Variants in ANK3 observed in about 807,000 individuals in gnomAD.
ANK3 encodes ankyrin-3.
In ANK3, 57 loss-of-function variants were observed where a neutral mutation model predicts 370.9. The ratio of observed to expected loss-of-function variants is 0.15; its 90% CI spans 0.12 to 0.19. The LOEUF (loss-of-function observed/expected upper bound fraction) is 0.19, where lower values mean the gene tolerates loss of function less well. Ranked by LOEUF, ANK3 falls within the 10% of genes least tolerant of loss-of-function variation. ANK3 has a pLI of 1.00. For synonymous variants in ANK3, 1,929 were observed against 1,946.3 expected, an observed-to-expected ratio of 0.99 and a Z score of 0.23; for missense variants, 4,439 against 5,302.1, an observed-to-expected ratio of 0.84 and a Z score of 5.06.
intron 25 of ANK3, among the ~76,000 whole-genome samples, chr10:60,133,370 C>T (rs1387141449): frequency 6.6e-6 from 1 of 152,226 alleles, no homozygotes; most frequent in African/African-American, 2.4e-5. Flanking sequence ...CCTGAGCCCA[C>T]ATGCAGGAAG....
intron 23 of ANK3, among the ~76,000 whole-genome samples, chr10:60,158,706 C>T (rs2095420420): frequency 2.2e-5 from 1 of 44,818 alleles, no homozygotes; most frequent in Admixed American, 2.5e-4. Flanking sequence ...GACAGAATCT[C>T]ATTCTGTCAC....
At chr10:60,043,888 A>T (rs1241890211) in intron 42 of ANK3, 1 of 837,352 alleles carries the variant, frequency 1.2e-6, no homozygotes, top group Non-Finnish European at 1.4e-6. Context: ...AAAAAAAAAA[A>T]GTATGTAACA....
Position 60,083,624 on chromosome 10 carries a change from G to C in ANK3, c.4075-7C>G, listed in dbSNP as rs780439933. 1 of 1,576,626 alleles carries C rather than the reference G, an allele frequency of 6.3e-7. No homozygotes were observed. The highest frequency in any genetic ancestry group is 1.2e-5 in the South Asian group (1 of 84,888). ...TAGGTTTTCCTTCCAGAACCTTTTA[G>C]AGTAAAAGAAATAAACAATTTAATG... On this transcript the variant is annotated splice_region_variant and splice_polypyrimidine_tract_variant and intron_variant, in intron 32 of 43. Transcript: ENST00000280772.
In ANK3 at chr10:60,139,051, A is replaced by G. The variant is rs112139545; in HGVS notation, c.2651T>C (p.Leu884Pro). The G allele has an allele frequency of 6.2e-7, 1 of 1,613,738 alleles. No homozygotes were observed. Among genetic ancestry groups the G allele is most frequent in the Non-Finnish European group, 8.5e-7 (1 of 1,179,768 alleles). The change falls in exon 24 of 44, where the codon CTT becomes CCT. Residue 884 changes from leucine (L) to proline (P), a missense_variant. Leu to Pro is a moderately conservative substitution (Grantham distance 98, BLOSUM62 -3). Transcript: ENST00000280772. ...CAATTCCTTAAGGTCCTGTGGCCCA[A>G]GATATTTGTCTGTGTCCCCGGTCAT... ...DAMTGDTDKY[L>P]GPQDLKELGD...
chr10:60,127,737 C>T (rs2093839560), intron 25 of ANK3, among the ~76,000 whole-genome samples: 1 of 133,704 alleles, frequency 7.5e-6, no homozygotes. Context: ...CTCGCTCTGT[C>T]TCCCAGGCTG....
intron 1 of ANK3, among the ~76,000 whole-genome samples, chr10:60,640,982 A>G (rs1287056323): frequency 7.1e-6 from 1 of 140,660 alleles, no homozygotes; most frequent in Non-Finnish European, 1.5e-5. Context: ...CTTATATACC[A>G]ATAACAGACA....
Position 60,088,293 on chromosome 10 carries a change from G to C in ANK3, c.3394C>G (p.Gln1132Glu). Residue 1132 changes from glutamine (Q) to glutamate (E), a missense_variant, in exon 29 of 44, where the codon CAG (glutamine) becomes GAG (glutamate). Around this residue, in one of 13 missense-constraint regions of ANK3, gnomAD observed 702 missense variants for 941.5 expected, o/e 0.75. Transcript: ENST00000280772. ...ICRIITKDFP[Q>E]YFAVVSRIKQ... ...ATCCGGGAAACCACTGCAAAATACTGGGGGAAATCTTTCGTGATAATCCTG... is the reference window on the plus strand; with the variant it reads ...ATCCGGGAAACCACTGCAAAATACTCGGGGAAATCTTTCGTGATAATCCTG... 1 of 1,614,118 alleles carries C rather than the reference G, an allele frequency of 6.2e-7. No individual in the cohort carries two copies. Among genetic ancestry groups the C allele is most frequent in the Non-Finnish European group, 8.5e-7 (1 of 1,180,012 alleles).
At chr10:60,688,984 T>G (rs1441145260) in intron 1 of ANK3, among the ~76,000 whole-genome samples, 1 of 151,960 alleles carries the variant, frequency 6.6e-6, no homozygotes, top group Non-Finnish European at 1.5e-5. Context: ...AAAATCAGTA[T>G]TTGAACCTAG....
At chr10:60,376,272 T>C (rs949148701) in intron 1 of ANK3, among the ~76,000 whole-genome samples, 1 of 152,142 alleles carries the variant, frequency 6.6e-6, no homozygotes, top group African/African-American at 2.4e-5. Context: ...ACAATGCAGA[T>C]CGTATTAATA....
chr10:60,390,871 G>A (rs2063049008), upstream of ANK3, among the ~76,000 whole-genome samples: 1 of 152,036 alleles, frequency 6.6e-6, no homozygotes, highest in Admixed American at 6.6e-5. Flanking sequence ...CATAACTTTG[G>A]CGGTCGGTGC....
chr10:60,327,137 G>T (rs757193931), intron 1 of ANK3, among the ~76,000 whole-genome samples: 4 of 152,208 alleles, frequency 2.6e-5, no homozygotes, highest in Non-Finnish European at 5.9e-5. Context: ...AAAAGGAAGA[G>T]CCAGACTGAT....
chr10:60,537,415 A>G (rs1434709648), intron 2 of ANK3, among the ~76,000 whole-genome samples: 2 of 152,010 alleles, frequency 1.3e-5, no homozygotes, highest in Non-Finnish European at 2.9e-5. Context: ...TTTAAAGTGG[A>G]CAGTAGAGAT....
intron 2 of ANK3, among the ~76,000 whole-genome samples, chr10:60,449,058 C>A (rs1016823177): frequency 1.3e-5 from 2 of 152,136 alleles, no homozygotes; most frequent in African/African-American, 4.8e-5. Flanking sequence ...GTGAAATAGT[C>A]TCTGAATGAA....
rs185447316 is a variant in ANK3, at chr10:60,228,666, C to G, written c.897+6022G>C. ...ATAACTTCTTTTATCTTTATCTTTCCTTTGAGGAAGGAGGGTAATTAAAGA... is the reference window on the plus strand; with the variant it reads ...ATAACTTCTTTTATCTTTATCTTTCGTTTGAGGAAGGAGGGTAATTAAAGA... On this transcript the variant is annotated intron_variant, in intron 8 of 43. Transcript: ENST00000280772. 1.6e-4 allele frequency among the ~76,000 whole-genome samples: 25 copies of G among 151,522 alleles called. No individual in the cohort carries two copies. The East Asian group carries it at 4.5e-3, about 27-fold the overall frequency.
At chr10:60,359,199 A>G (rs2058245254) in intron 1 of ANK3, among the ~76,000 whole-genome samples, 1 of 152,062 alleles carries the variant, frequency 6.6e-6, no homozygotes, top group South Asian at 2.1e-4. Context: ...GTCTACATAC[A>G]TGGTAATGAG....
rs771714886 is a variant in ANK3 at position 60,177,593 on chromosome 10, C to CTTTTTTTTTTTTT, written c.2184+3723_2184+3735dup. ...CCCATACCACACATGGTCTTCAAAT[C>CTTTTTTTTTTTTT]TTTTTTTTTTTTTTTTTTGTTTGAG... On this transcript the variant is annotated intron_variant, in intron 18 of 43. Coordinates refer to ENST00000280772, the MANE Select transcript of ANK3 (RefSeq NM_020987.5). 7.4e-3 allele frequency among the ~76,000 whole-genome samples: 791 copies of CTTTTTTTTTTTTT among 106,228 alleles called. 7 individuals are homozygous for CTTTTTTTTTTTTT. The highest frequency in any genetic ancestry group is 0.011 in the East Asian group (34 of 3,126). 69.7% of individuals were successfully genotyped at this position (106,228 alleles called of 152,430 possible).
chr10:60,507,796 T>C (rs1027121645), intron 2 of ANK3: 1 of 152,198 alleles, frequency 6.6e-6, no homozygotes, highest in Admixed American at 6.5e-5. Flanking sequence ...AGTCCTATAA[T>C]GTTTTTTAAA....
chr10:60,256,490 T>A (rs1158884607), intron 7 of ANK3, among the ~76,000 whole-genome samples: 1 of 152,192 alleles, frequency 6.6e-6, no homozygotes, highest in Non-Finnish European at 1.5e-5. Flanking sequence ...TTTAAAAAAA[T>A]AATCTCAACC....
chr10:60,463,061 G>A (rs1031835052), intron 2 of ANK3, among the ~76,000 whole-genome samples: 1 of 151,916 alleles, frequency 6.6e-6, no homozygotes, highest in Non-Finnish European at 1.5e-5. Context: ...GTGCCACCAT[G>A]TTCAACTAAT....
Sources: gnomAD v4.1 joint callset for allele counts (sites outside exome capture counted in the v4.1 genomes callset) on GRCh38, gnomAD v4.1.1 for gene constraint, gnomAD v4.1.1 regional missense constraint, MANE v1.5 for transcripts, NCBI Gene and HGNC (gene_info 2026-07-23, HGNC 2026-07-21) for gene names.